P2RX4: variants seen among roughly 807,000 people sequenced by gnomAD.
The protein encoded by P2RX4 is P2X purinoceptor 4.
Under a neutral mutation model 48.0 loss-of-function variants are expected in P2RX4, and 37 were observed. The observed-to-expected ratio is 0.77, with a 90% confidence interval of 0.59 to 1.01. P2RX4 has a LOEUF of 1.01. P2RX4 is among the 50% of genes least tolerant of loss of function. The pLI, the probability that P2RX4 is intolerant of heterozygous loss-of-function variation, is 0.00. For missense variants in P2RX4, 501 were observed against 521.4 expected, an observed-to-expected ratio of 0.96 and a Z score of 0.38; for synonymous variants, 200 against 199.7, an observed-to-expected ratio of 1.00 and a Z score of -0.01.
chr12:121,213,227 G>A (rs1460254022), intron 1 of P2RX4: 3 of 152,084 alleles, frequency 2.0e-5, no homozygotes, highest in Non-Finnish European at 4.4e-5. Flanking sequence ...AAGAGTTTGA[G>A]ACAAACCTGG....
Position 121,228,421 on chromosome 12 carries a change from C to G in P2RX4, c.525-112C>G, listed in dbSNP as rs906856683. The G allele has an allele frequency of 5.6e-5, 26 of 462,358 alleles. 1 individual carries two copies. In the South Asian group the frequency reaches 6.5e-4, roughly 12 times the overall value. 28.6% of individuals were successfully genotyped at this position (462,358 alleles called of 1,614,324 possible). On this transcript the variant is annotated intron_variant, in intron 5 of 11. Transcript: ENST00000337233. ...ATATATATATACACACACACACACA[C>G]AGACACACACACACAATACATATAT...
At chr12:121,212,809 T>C (rs1480060832) in intron 1 of P2RX4, 1 of 36,076 alleles carries the variant, frequency 2.8e-5, no homozygotes, top group Non-Finnish European at 5.3e-5. Context: ...TATATATATA[T>C]ATATATATAT....
chr12:121,223,841 G>A (rs12306529), intron 5 of P2RX4, among the ~76,000 whole-genome samples: 3,888 of 152,202 alleles, frequency 0.026, 178 homozygotes, highest in African/African-American at 0.088. Flanking sequence ...TGGTGCCACT[G>A]CACTCCCTCC....
chr12:121,221,166 T>TTGTGTGTG (rs71079040), intron 2 of P2RX4, among the ~76,000 whole-genome samples: 6 of 100,858 alleles, frequency 5.9e-5, no homozygotes, highest in Non-Finnish European at 8.6e-5. Flanking sequence ...CTGTGTGTGT[T>TTGTGTGTG]TGTGTGTGTG....
At position 121,233,805 on chromosome 12, in the gene P2RX4, C is replaced by A; in HGVS notation, c.*256C>A. On this transcript the variant is annotated 3_prime_UTR_variant, in exon 12 of 12. Coordinates refer to ENST00000337233, the MANE Select transcript of P2RX4 (RefSeq NM_002560.3). ...CCGCAACCTGGGGTTGTCGGGGGAG[C>A]GCTGGCCCGACGCAGTGGCACTGCT... The A allele has an allele frequency of 1.3e-6, 1 of 768,298 alleles. No homozygotes were observed. Among genetic ancestry groups the A allele is most frequent in the Non-Finnish European group, 2.0e-6 (1 of 500,010 alleles). 47.6% of individuals were successfully genotyped at this position (768,298 alleles called of 1,614,324 possible).
chr12:121,210,235 G>A lies in P2RX4; in HGVS notation c.71G>A (p.Arg24His). The change falls in exon 1 of 12, where the codon CGC (arginine) becomes CAC (histidine). Residue 24 changes from arginine to histidine, a missense_variant. Arg to His is a conservative substitution (Grantham distance 29). Around this residue, in one of 3 missense-constraint regions of P2RX4, gnomAD observed 295 missense variants for 275.3 expected, o/e 1.07. Coordinates refer to ENST00000337233, the MANE Select transcript of P2RX4 (RefSeq NM_002560.3). Reference protein sequence around the residue: ...EYDTPRIVLIRSRKVGLMNRA... With the variant: ...EYDTPRIVLIHSRKVGLMNRA... ...GACACGCCGCGCATCGTGCTCATCCGCAGCCGCAAAGTGGGGCTCATGAAC... is the reference window on the plus strand; with the variant it reads ...GACACGCCGCGCATCGTGCTCATCCACAGCCGCAAAGTGGGGCTCATGAAC... 2 of 1,562,890 alleles carry A rather than the reference G, an allele frequency of 1.3e-6. No individual in the cohort carries two copies. Among genetic ancestry groups the A allele is most frequent in the Non-Finnish European group, 1.7e-6 (2 of 1,158,906 alleles).
rs138731156 is a variant in P2RX4 at position 121,229,077 on chromosome 12, G to A, written c.862G>A (p.Val288Ile). The change falls in exon 8 of 12, where the codon GTA (valine) becomes ATA (isoleucine). Residue 288 changes from valine to isoleucine, a missense_variant. Transcript: ENST00000337233. This position sits in a 1 kb window ranked among gnomAD's most constrained non-coding sequence, Gnocchi z 4.6. ...RLDTRDVEHN[V>I]SPGYNFRFAK... ...CGATACACGGGACGTTGAGCACAAC[G>A]TATCTCCTGGCTACAATTTCAGGTG... The A allele has an allele frequency of 9.2e-5, 148 of 1,613,970 alleles. No homozygotes were observed. The highest frequency in any genetic ancestry group is 6.7e-5 in the Admixed American group (4 of 59,994).
At chr12:121,219,424 A>C (rs1424564163) in intron 2 of P2RX4, among the ~76,000 whole-genome samples, 1 of 152,166 alleles carries the variant, frequency 6.6e-6, no homozygotes, top group Non-Finnish European at 1.5e-5. Context: ...AGCTTTGGGC[A>C]TCTCCTTTTA....
Position 121,222,021 on chromosome 12 carries a change from C to A in P2RX4, c.354+37C>A, listed in dbSNP as rs112677617. ...CCGGGAAGAGCCCCAGGCCCCACAC[C>A]CCTCTCCACGCCTGTCCACCTGTGT... On this transcript the variant is annotated intron_variant, in intron 3 of 11. Coordinates refer to ENST00000337233, the MANE Select transcript of P2RX4 (RefSeq NM_002560.3). 9.3e-5 allele frequency: 149 copies of A among 1,598,430 alleles called. 1 individual carries two copies. In the African/African-American group the frequency reaches 1.6e-3, roughly 17 times the overall value.
chr12:121,224,038 C>A (rs1274026590), intron 5 of P2RX4, among the ~76,000 whole-genome samples: 4 of 152,194 alleles, frequency 2.6e-5, no homozygotes, highest in African/African-American at 2.4e-5. Context: ...CCAGCTGTCC[C>A]TGGAGATTCT....
chr12:121,224,573 G>A (rs962158116), intron 5 of P2RX4, among the ~76,000 whole-genome samples: 3 of 151,918 alleles, frequency 2.0e-5, no homozygotes, highest in Non-Finnish European at 2.9e-5. Context: ...CTGCACTCTA[G>A]CTTGGGCGAC....
intron 2 of P2RX4, among the ~76,000 whole-genome samples, chr12:121,219,213 G>A (rs893532718): frequency 6.6e-6 from 1 of 152,122 alleles, no homozygotes; most frequent in Non-Finnish European, 1.5e-5. Context: ...ACATCCTCAC[G>A]CCTCCTCCTG....
chr12:121,232,449 A>C lies in P2RX4; in HGVS notation c.920A>C (p.Glu307Ala), dbSNP rs1004832272. ...AKYYRDLAGN[E>A]QRTLIKAYGI... ...TACTACAGAGACCTGGCTGGCAACG[A>C]GCAGCGCACGCTCATCAAGGCCTAT... Residue 307 changes from glutamate (E) to alanine (A), a missense_variant, in exon 9 of 12, where the codon GAG (glutamate) becomes GCG (alanine). Coordinates refer to ENST00000337233, the MANE Select transcript of P2RX4 (RefSeq NM_002560.3). This position sits in a 1 kb window ranked among gnomAD's most constrained non-coding sequence, Gnocchi z 4.3. The C allele has an allele frequency of 6.2e-7, 1 of 1,614,086 alleles. No homozygotes were observed.
rs1414239685 is a variant in P2RX4 at position 121,228,782 on chromosome 12, T to C, written c.663T>C (p.Ala221=). 6.2e-7 allele frequency: 1 copy of C among 1,614,070 alleles called. No individual in the cohort carries two copies. Among genetic ancestry groups the C allele is most frequent in the East Asian group, 2.2e-5 (1 of 44,890 alleles). Residue 221 remains alanine, a synonymous_variant, in exon 7 of 12, where the codon GCT becomes GCC. Coordinates refer to ENST00000337233, the MANE Select transcript of P2RX4 (RefSeq NM_002560.3). The part of the protein sequence containing the change: ...TTYLKSCIYD[A]KTDPFCPIFR... ...ACCTCAAGTCGTGCATTTATGATGC[T>C]AAAACAGATCCCTTCTGCCCCATAT...
Position 121,224,701 on chromosome 12 carries a change from A to G in P2RX4, c.524+1658A>G, listed in dbSNP as rs1886868780. ...CTAGAATAACATTCTTCGTGGTTGT[A>G]ATTGGCTGTGCTTCATGGGGTGGAG... On this transcript the variant is annotated intron_variant, in intron 5 of 11. Coordinates refer to ENST00000337233, the MANE Select transcript of P2RX4 (RefSeq NM_002560.3). Among the ~76,000 whole-genome samples, 4 of 152,118 alleles carry G rather than the reference A, an allele frequency of 2.6e-5. No individual in the cohort carries two copies. In the South Asian group the frequency reaches 8.3e-4, roughly 32 times the overall value.
chr12:121,212,824 A>ATATATATATATTTTT (rs370835501), intron 1 of P2RX4: 1 of 32,250 alleles, frequency 3.1e-5, no homozygotes. Flanking sequence ...ATATATATAT[A>ATATATATATATTTTT]TTTTTTTTTT....
At chr12:121,215,442 G>GTTT (rs112097935) in intron 1 of P2RX4, 22 of 137,158 alleles carry the variant, frequency 1.6e-4, no homozygotes, top group African/African-American at 2.5e-4. Context: ...CCTGTAGATG[G>GTTT]TTTTTTTTTT....
Position 121,232,982 on chromosome 12 carries a change from C to T in P2RX4, c.1045-15C>T, listed in dbSNP as rs918783265. 7 of 1,581,852 alleles carry T rather than the reference C, an allele frequency of 4.4e-6. No homozygotes were observed. Among genetic ancestry groups the T allele is most frequent in the Admixed American group, 3.3e-5 (2 of 59,968 alleles). ...GCAAGCATCCTGGCTCACTCTCACCCTATGCTAAACTCAGGCGACCGTGCT... is the reference window on the plus strand; with the variant it reads ...GCAAGCATCCTGGCTCACTCTCACCTTATGCTAAACTCAGGCGACCGTGCT... On this transcript the variant is annotated splice_polypyrimidine_tract_variant and intron_variant, in intron 10 of 11. Coordinates refer to ENST00000337233, the MANE Select transcript of P2RX4 (RefSeq NM_002560.3). The surrounding 1 kb of genome is among the most constrained non-coding windows in gnomAD (Gnocchi z 4.3).
Position 121,210,175 on chromosome 12 carries a change from G to C in P2RX4, c.11G>C (p.Cys4Ser). ...GCGGGCGGCGCGGCCATGGCGGGCT[G>C]CTGCGCCGCGCTGGCGGCCTTCCTG... MAG[C>S]CAALAAFLFE... Residue 4 changes from cysteine (C) to serine (S), a missense_variant, in exon 1 of 12, where the codon TGC becomes TCC. Physicochemically the swap from Cys to Ser is moderately radical, Grantham distance 112. Transcript: ENST00000337233. 1.3e-6 allele frequency: 2 copies of C among 1,520,318 alleles called. No homozygotes were observed. The highest frequency in any genetic ancestry group is 8.8e-7 in the Non-Finnish European group (1 of 1,141,656). The allele number at this position is 1,520,318 out of a possible 1,614,324, so 94.2% of individuals were successfully genotyped here.
Sources: allele counts gnomAD v4.1 joint callset (sites outside exome capture counted in the v4.1 genomes callset), GRCh38; gene constraint gnomAD v4.1.1; regional missense constraint gnomAD v4.1.1; non-coding constraint Gnocchi (gnomAD v3.1); transcripts MANE v1.5; gene names NCBI Gene and HGNC (gene_info 2026-07-23, HGNC 2026-07-21).